Variants in DLG2 observed in about 807,000 individuals in gnomAD.
The protein encoded by DLG2 is disks large homolog 2.
DLG2 carries 45 observed loss-of-function variants against 132.5 expected under a neutral mutation model. The observed-to-expected ratio is 0.34, with a 90% CI of 0.27 to 0.44. DLG2 has a LOEUF of 0.44. Among genes scored for constraint, DLG2 ranks in the 20% least tolerant of loss-of-function variants. The pLI, the probability that DLG2 is intolerant of heterozygous loss-of-function variation, is 1.00. For missense variants in DLG2, 1,045 were observed against 1,196.9 expected (o/e 0.87, Z 1.87); for synonymous variants, 424 against 419.6 (o/e 1.01, Z -0.13).
At chr11:85,451,004 A>C (rs1285235241) in intron 3 of DLG2, among the ~76,000 whole-genome samples, 3 of 152,094 alleles carry the variant, frequency 2.0e-5, no homozygotes, top group African/African-American at 7.2e-5. Context: ...TATATTATTC[A>C]CATGCCAACA....
chr11:84,124,841 T>C (rs922048333), intron 9 of DLG2, among the ~76,000 whole-genome samples: 1 of 136,694 alleles, frequency 7.3e-6, no homozygotes, highest in Non-Finnish European at 1.5e-5. Context: ...AAATAACTTG[T>C]TTTCACTTTT....
chr11:84,084,531 G>A (rs1359087555), intron 10 of DLG2, among the ~76,000 whole-genome samples: 1 of 152,068 alleles, frequency 6.6e-6, no homozygotes, highest in Non-Finnish European at 1.5e-5. Context: ...AAATGTCTGG[G>A]TGGGCCTGGT....
At chr11:84,010,458 AT>A (rs1566025101) in intron 11 of DLG2, among the ~76,000 whole-genome samples, 1 of 151,610 alleles carries the variant, frequency 6.6e-6, no homozygotes, top group African/African-American at 2.4e-5. Flanking sequence ...ACCCCAGCCA[AT>A]TTTTTTATTT....
chr11:83,680,762 T>C (rs2078649058), intron 18 of DLG2, among the ~76,000 whole-genome samples: 1 of 152,176 alleles, frequency 6.6e-6, no homozygotes, highest in Non-Finnish European at 1.5e-5. Context: ...CTGCCAAGTT[T>C]TTGGTATAAT....
At chr11:84,679,372 G>C (rs1565641048) in intron 6 of DLG2, among the ~76,000 whole-genome samples, 1 of 152,026 alleles carries the variant, frequency 6.6e-6, no homozygotes. Context: ...GATTCCAGTT[G>C]AGGTTTTACA....
At chr11:83,621,367 C>A (rs975127317) in intron 19 of DLG2, among the ~76,000 whole-genome samples, 1 of 151,952 alleles carries the variant, frequency 6.6e-6, no homozygotes, top group Non-Finnish European at 1.5e-5. Flanking sequence ...AGCATCCAAC[C>A]GGTCTCACTG....
At chr11:83,732,610 G>T (rs918076381) in intron 18 of DLG2, among the ~76,000 whole-genome samples, 4 of 152,176 alleles carry the variant, frequency 2.6e-5, no homozygotes, top group Admixed American at 6.5e-5. Flanking sequence ...ATAAAACCAA[G>T]AATTCATTAT....
In DLG2 at chr11:85,157,931, C is replaced by G. The variant is rs376072608; in HGVS notation, c.187-3280G>C. 8.4e-4 allele frequency among the ~76,000 whole-genome samples: 127 copies of G among 151,966 alleles called. 1 individual carries two copies. Among genetic ancestry groups the G allele is most frequent in the African/African-American group, 2.8e-3 (117 of 41,320 alleles). On this transcript the variant is annotated intron_variant, in intron 4 of 27. Transcript: ENST00000376104. The stretch of plus-strand genomic sequence containing the variant: ...CTCCCCGACCCATTAGCCTTTCCAC[C>G]GTTGTCTGAGGAGATAAACCCCGCA...
chr11:84,553,853 A>G (rs2099406683), intron 6 of DLG2, among the ~76,000 whole-genome samples: 1 of 152,248 alleles, frequency 6.6e-6, no homozygotes, highest in African/African-American at 2.4e-5. Flanking sequence ...AGGTGTCAGG[A>G]AACCTTGAAG....
At chr11:84,801,314 G>A (rs2075342319) in intron 6 of DLG2, among the ~76,000 whole-genome samples, 1 of 152,186 alleles carries the variant, frequency 6.6e-6, no homozygotes, top group African/African-American at 2.4e-5. Context: ...ACTCACGCCT[G>A]TATTCCTAGC....
chr11:85,457,297 T>C (rs1471551079), intron 3 of DLG2, among the ~76,000 whole-genome samples: 1 of 152,124 alleles, frequency 6.6e-6, no homozygotes, highest in Non-Finnish European at 1.5e-5. Context: ...TGGTAGGTTT[T>C]TCTCCATCCC....
chr11:84,967,210 G>T (rs866409907), intron 6 of DLG2, among the ~76,000 whole-genome samples: 6 of 152,028 alleles, frequency 3.9e-5, no homozygotes, highest in African/African-American at 7.2e-5. Flanking sequence ...GCCATACTTG[G>T]TTTTTTGAAG....
Position 83,530,993 on chromosome 11 carries a change from C to T in DLG2, c.2193+1715G>A, listed in dbSNP as rs145820508. 8.5e-4 allele frequency among the ~76,000 whole-genome samples: 129 copies of T among 152,068 alleles called. 2 individuals are homozygous for T. In the East Asian group the frequency reaches 0.018, roughly 21 times the overall value. ...AATGAAATCAGAACCCTAACTCATACAACGTACAAATACTAACTCAACATG... is the reference window on the plus strand; with the variant it reads ...AATGAAATCAGAACCCTAACTCATATAACGTACAAATACTAACTCAACATG... On this transcript the variant is annotated intron_variant, in intron 21 of 27. Transcript: ENST00000376104.
At chr11:84,194,272 G>A (rs2096470366) in intron 8 of DLG2, among the ~76,000 whole-genome samples, 1 of 152,118 alleles carries the variant, frequency 6.6e-6, no homozygotes, top group African/African-American at 2.4e-5. Context: ...GTGGACCCTT[G>A]CGGTCAGTGT....
At chr11:84,945,403 C>G (rs2050068226) in intron 6 of DLG2, among the ~76,000 whole-genome samples, 1 of 152,130 alleles carries the variant, frequency 6.6e-6, no homozygotes, top group African/African-American at 2.4e-5. Flanking sequence ...CTTACTTTCC[C>G]TCAAACAAAC....
chr11:84,150,723 T>C (rs1351227665), intron 9 of DLG2, among the ~76,000 whole-genome samples: 6 of 152,150 alleles, frequency 3.9e-5, no homozygotes, highest in South Asian at 2.1e-4. Flanking sequence ...GCTTTGTCCA[T>C]GTCATATGTT....
chr11:85,100,330 G>C (rs1199584900), intron 6 of DLG2, among the ~76,000 whole-genome samples: 1 of 151,946 alleles, frequency 6.6e-6, no homozygotes, highest in Non-Finnish European at 1.5e-5. Context: ...TATGCAACAG[G>C]AACTGATTTA....
In DLG2 at chr11:83,635,910, A is replaced by G. The variant is rs908000444; in HGVS notation, c.1826-2585T>C. Among the ~76,000 whole-genome samples the G allele has an allele frequency of 1.4e-4, 21 of 152,182 alleles. 1 individual carries two copies. Among genetic ancestry groups the G allele is most frequent in the Admixed American group, 1.2e-3 (18 of 15,266 alleles). On this transcript the variant is annotated intron_variant, in intron 18 of 27. Transcript: ENST00000376104. ...GGGACTACTGGTCAAACCTTTGCAC[A>G]AAAATCATACAGCCTCTAATAGCAT... is the stretch of plus-strand genomic sequence containing the variant.
At chr11:83,542,616 A>G (rs2096111883) in intron 19 of DLG2, among the ~76,000 whole-genome samples, 1 of 152,184 alleles carries the variant, frequency 6.6e-6, no homozygotes, top group African/African-American at 2.4e-5. Flanking sequence ...CCCACTAAAA[A>G]GCATTTGCTA....
Sources: gnomAD v4.1 joint callset for allele counts (sites outside exome capture counted in the v4.1 genomes callset) on GRCh38, gnomAD v4.1.1 for gene constraint, MANE v1.5 for transcripts, NCBI Gene and HGNC (gene_info 2026-07-23, HGNC 2026-07-21) for gene names.